Variants in TJP1 observed in about 807,000 individuals in gnomAD.
The protein encoded by TJP1 is tight junction protein 1, also known as tight junction protein ZO-1.
TJP1 carries 43 observed loss-of-function variants against 194.2 expected under a neutral mutation model. That is an observed-to-expected ratio of 0.22 (90% confidence interval 0.17 to 0.29). The LOEUF (loss-of-function observed/expected upper bound fraction) is 0.29. TJP1 is among the 10% of genes least tolerant of loss of function. TJP1 has a pLI of 1.00. For missense variants in TJP1, 1,971 were observed against 2,185.7 expected, an observed-to-expected ratio of 0.90 and a Z score of 1.96; for synonymous variants, 801 against 779.0, an observed-to-expected ratio of 1.03 and a Z score of -0.47.
chr15:29,754,188 T>C (rs1331894165), intron 8 of TJP1, among the ~76,000 whole-genome samples: 1 of 152,208 alleles, frequency 6.6e-6, no homozygotes, highest in Non-Finnish European at 1.5e-5. Flanking sequence ...CATGGAATAC[T>C]ATGCAGCCAT....
chr15:29,763,406 A>T (rs2151547349), intron 5 of TJP1, among the ~76,000 whole-genome samples: 1 of 152,348 alleles, frequency 6.6e-6, no homozygotes, highest in Non-Finnish European at 1.5e-5. Context: ...ATCAAAAACC[A>T]AGATGGAAAA....
intron 1 of TJP1, among the ~76,000 whole-genome samples, 173 bp downstream of exon 1, chr15:29,821,829 G>A (rs1246774646): frequency 2.1e-5 from 3 of 144,356 alleles, no homozygotes; most frequent in Admixed American, 6.8e-5. Context: ...CCGCCCGAGG[G>A]GCTCCCCGCG....
chr15:29,804,175 T>C (rs1385390577), intron 1 of TJP1, among the ~76,000 whole-genome samples: 2 of 152,160 alleles, frequency 1.3e-5, no homozygotes, highest in African/African-American at 4.8e-5. Context: ...CAGGCAGTAC[T>C]GATGAGGAGT....
chr15:29,959,464 A>G (rs1292790520), intron 1 of TJP1, among the ~76,000 whole-genome samples: 1 of 152,114 alleles, frequency 6.6e-6, no homozygotes, highest in African/African-American at 2.4e-5. Flanking sequence ...GGTGATTTTT[A>G]ATGTCTACTT....
intron 2 of TJP1, among the ~76,000 whole-genome samples, chr15:29,925,361 T>TTGAGGAC (rs1187462147): frequency 1.3e-5 from 2 of 152,224 alleles, no homozygotes; most frequent in Non-Finnish European, 2.9e-5. Flanking sequence ...ACCCACATCT[T>TTGAGGAC]TGAGGACTGA....
intron 1 of TJP1, among the ~76,000 whole-genome samples, chr15:29,820,256 T>G (rs2152002731): frequency 6.6e-6 from 1 of 152,152 alleles, no homozygotes; most frequent in Non-Finnish European, 1.5e-5. Context: ...GTAAGCATTT[T>G]AATCACCTTC....
Position 29,761,287 on chromosome 15 carries a change from C to T in TJP1, c.863-1G>A. 6.2e-7 allele frequency: 1 copy of T among 1,613,732 alleles called. No homozygotes were observed. The highest frequency in any genetic ancestry group is 8.5e-7 in the Non-Finnish European group (1 of 1,179,904). ...GCCAGTGACTGAATTTCTGAAATGT[C>T]TGTTAATAAAAGGGTGCTACTTATT... On this transcript the variant is annotated splice_acceptor_variant, in intron 7 of 27. Transcript: ENST00000614355. LOFTEE classifies it high-confidence loss of function.
At chr15:29,716,053 C>T (rs990233842) in intron 23 of TJP1, among the ~76,000 whole-genome samples, 2 of 152,116 alleles carry the variant, frequency 1.3e-5, no homozygotes, top group African/African-American at 4.8e-5. Flanking sequence ...AACAAACCAA[C>T]ACGAAACCCA....
chr15:29,838,578 C>A (rs2051113263), intron 2 of TJP1, among the ~76,000 whole-genome samples: 1 of 151,168 alleles, frequency 6.6e-6, no homozygotes, highest in Non-Finnish European at 1.5e-5. Context: ...ACATGTTATT[C>A]AGATTTCACC....
chr15:29,752,246 G>A (rs865905567), intron 8 of TJP1, among the ~76,000 whole-genome samples: 6 of 151,918 alleles, frequency 3.9e-5, no homozygotes, highest in Middle Eastern at 3.2e-3. Context: ...GGGATTATAG[G>A]CACACGCCAC....
At chr15:29,717,903 G>A in intron 22 of TJP1, 118 bp downstream of exon 22, 2 of 789,828 alleles carry the variant, frequency 2.5e-6, no homozygotes, top group Admixed American at 2.6e-5. Context: ...TTTATTTAAG[G>A]ACAAACTCCT....
intron 2 of TJP1, among the ~76,000 whole-genome samples, chr15:29,927,938 C>T (rs190379230): frequency 7.2e-5 from 11 of 152,244 alleles, no homozygotes; most frequent in African/African-American, 2.6e-4. Flanking sequence ...TCCTTGAAAT[C>T]GGACTGATGT....
At chr15:29,787,838 G>A (rs1191986261) in intron 2 of TJP1, among the ~76,000 whole-genome samples, 4 of 152,118 alleles carry the variant, frequency 2.6e-5, no homozygotes, top group South Asian at 2.1e-4. Context: ...TCTCTTGGGT[G>A]TATACCTATG....
chr15:29,853,668 G>A (rs887246250), intron 2 of TJP1, among the ~76,000 whole-genome samples: 1 of 152,170 alleles, frequency 6.6e-6, no homozygotes, highest in Admixed American at 6.5e-5. Context: ...AATTGAATGA[G>A]AGGAACTGAT....
At chr15:29,894,888 CACCTGGGCCTACTAAAGCCAA>C (rs2053428299) in intron 2 of TJP1, among the ~76,000 whole-genome samples, 1 of 152,236 alleles carries the variant, frequency 6.6e-6, no homozygotes, top group Non-Finnish European at 1.5e-5. Flanking sequence ...GCCACTGCCA[CACCTGGGCCTACTAAAGCCAA>C]ACCTGGGGTA....
chr15:29,822,326 C>G lies in TJP1; in HGVS notation c.-298G>C. On this transcript the variant is annotated 5_prime_UTR_variant, in exon 1 of 28. Coordinates refer to ENST00000614355, the MANE Select transcript of TJP1 (RefSeq NM_001330239.4). ...GCAGCCCGGCCACGTCGGCCTCGCC[C>G]GGTCGCCCGCCCGTCAGCAGCACCC... The G allele has an allele frequency of 2.8e-6, 3 of 1,083,154 alleles. No individual in the cohort carries two copies. Among genetic ancestry groups the G allele is most frequent in the South Asian group, 9.0e-5 (2 of 22,220 alleles). 67.1% of individuals were successfully genotyped at this position (1,083,154 alleles called of 1,614,324 possible). A position where few individuals can be genotyped will look rare whatever the true frequency, so the allele number is the denominator to read the frequency against.
chr15:29,931,183 TGTTCATTAAG>T (rs1387507782), intron 2 of TJP1, among the ~76,000 whole-genome samples: 1 of 152,222 alleles, frequency 6.6e-6, no homozygotes, highest in Non-Finnish European at 1.5e-5. Flanking sequence ...ATATAGTTAC[TGTTCATTAAG>T]TGGAAGTGGA....
intron 8 of TJP1, among the ~76,000 whole-genome samples, chr15:29,754,009 C>G (rs973665733): frequency 2.6e-5 from 4 of 152,110 alleles, no homozygotes; most frequent in Non-Finnish European, 4.4e-5. Context: ...TAAATAAAAT[C>G]TGAAACTCAC....
At chr15:29,740,662 C>A (rs2044353668) in intron 10 of TJP1, among the ~76,000 whole-genome samples, 2 of 151,738 alleles carry the variant, frequency 1.3e-5, no homozygotes, top group Admixed American at 1.3e-4. Flanking sequence ...AAACAAAAAA[C>A]TAATTTGATA....
Sources: gnomAD v4.1 joint callset for allele counts (sites outside exome capture counted in the v4.1 genomes callset) on GRCh38, gnomAD v4.1.1 for gene constraint, MANE v1.5 for transcripts, NCBI Gene and HGNC (gene_info 2026-07-23, HGNC 2026-07-21) for gene names.